The following RGS8 variants were observed in gnomAD, a reference collection of about 807,000 sequenced individuals.
RGS8 encodes regulator of G-protein signaling 8.
RGS8 carries 8 observed loss-of-function variants against 21.7 expected under a neutral mutation model. The ratio of observed to expected loss-of-function variants is 0.37; its 90% CI spans 0.22 to 0.66. RGS8 has a LOEUF of 0.66. Among genes scored for constraint, RGS8 ranks in the 30% least tolerant of loss-of-function variants. RGS8 has a pLI of 0.59. For missense variants in RGS8, 157 were observed against 217.9 expected, an observed-to-expected ratio of 0.72 and a Z score of 1.76; for synonymous variants, 80 against 83.6, an observed-to-expected ratio of 0.96 and a Z score of 0.24.
At chr1:182,742,495 G>C in the RGS8 span, among the ~76,000 whole-genome samples, 2 of 152,242 alleles carry the variant, frequency 1.3e-5, no homozygotes, top group African/African-American at 4.8e-5. Context: ...TCGGCACCTC[G>C]GGAGGCCGAG....
intron 5 of RGS8, among the ~76,000 whole-genome samples, chr1:182,657,888 C>T (rs1663364589): frequency 6.6e-6 from 1 of 152,140 alleles, no homozygotes; most frequent in Non-Finnish European, 1.5e-5. Context: ...ATACCCAATA[C>T]AAAACAATCC....
At chr1:182,671,701 A>G in exon 2 of RGS8, 2 of 1,614,148 alleles carry the variant, frequency 1.2e-6, no homozygotes, top group Non-Finnish European at 1.7e-6. Context: ...TGCCAACTGG[A>G]TGGTCAGAGA....
At chr1:182,667,288 G>A (rs1663919398) in intron 3 of RGS8, among the ~76,000 whole-genome samples, 1 of 151,842 alleles carries the variant, frequency 6.6e-6, no homozygotes, top group Non-Finnish European at 1.5e-5. Context: ...AAAATACAGT[G>A]ACAACAAAAT....
intron 5 of RGS8, 29 bp from the exon 7 acceptor site, chr1:182,648,332 G>C: frequency 1.2e-6 from 2 of 1,606,758 alleles, no homozygotes; most frequent in Non-Finnish European, 8.5e-7. Flanking sequence ...GAAAAGAAGA[G>C]AGATAGGAAG....
the RGS8 span, among the ~76,000 whole-genome samples, chr1:182,737,779 G>A: frequency 6.6e-6 from 1 of 151,964 alleles, no homozygotes; most frequent in East Asian, 1.9e-4. Flanking sequence ...TTATCTTTGG[G>A]GGCGACCATT....
the RGS8 span, among the ~76,000 whole-genome samples, chr1:182,702,069 C>A: frequency 6.6e-6 from 1 of 152,172 alleles, no homozygotes; most frequent in Admixed American, 6.5e-5. Flanking sequence ...ACCCAGCAAT[C>A]CCATTACTGG....
At chr1:182,727,951 G>C in the RGS8 span, among the ~76,000 whole-genome samples, 113 of 152,024 alleles carry the variant, frequency 7.4e-4, 1 homozygote, top group African/African-American at 2.1e-3. Context: ...ACACACAAAG[G>C]GATTTTTTAA....
At chr1:182,707,892 G>C in the RGS8 span, among the ~76,000 whole-genome samples, 2 of 152,020 alleles carry the variant, frequency 1.3e-5, no homozygotes, top group Non-Finnish European at 2.9e-5. Context: ...ATTTTTAGTA[G>C]AGACAGGGTT....
chr1:182,728,646 TC>T, the RGS8 span, among the ~76,000 whole-genome samples: 1 of 152,124 alleles, frequency 6.6e-6, no homozygotes, highest in African/African-American at 2.4e-5. Context: ...TTAATAGTAT[TC>T]TTTAAAGATT....
intron 5 of RGS8, among the ~76,000 whole-genome samples, chr1:182,654,749 T>TA (rs1402669068): frequency 2.0e-5 from 3 of 152,120 alleles, no homozygotes; most frequent in Non-Finnish European, 4.4e-5. Context: ...GGCTTAAACT[T>TA]AGATTCCTGG....
chr1:182,677,378 A>G (rs940721844), upstream of RGS8, among the ~76,000 whole-genome samples: 1 of 152,190 alleles, frequency 6.6e-6, no homozygotes, highest in Admixed American at 6.5e-5. Flanking sequence ...CATTATTCGT[A>G]GTCTTTTCAA....
At chr1:182,730,642 G>A in the RGS8 span, among the ~76,000 whole-genome samples, 2 of 151,854 alleles carry the variant, frequency 1.3e-5, no homozygotes, top group African/African-American at 2.4e-5. Context: ...CCCGGGAGAC[G>A]GGGGTTGCAG....
chr1:182,693,760 G>A, the RGS8 span, among the ~76,000 whole-genome samples: 1 of 152,188 alleles, frequency 6.6e-6, no homozygotes, highest in African/African-American at 2.4e-5. Flanking sequence ...AGAAAATGTG[G>A]TACATGTATA....
chr1:182,739,945 A>G, the RGS8 span, among the ~76,000 whole-genome samples: 1 of 152,168 alleles, frequency 6.6e-6, no homozygotes, highest in African/African-American at 2.4e-5. Context: ...CCTGTCTCAC[A>G]CATTCCATGC....
At chr1:182,643,331 G>GCCCCCCC (rs913799391), downstream of RGS8, 3 of 69,306 alleles carry the variant, frequency 4.3e-5, no homozygotes, top group Admixed American at 1.5e-4. Flanking sequence ...CAGCCCCCCC[G>GCCCCCCC]CCCCCGCGCT....
the RGS8 span, among the ~76,000 whole-genome samples, chr1:182,710,462 G>T: frequency 0.014 from 2,154 of 152,116 alleles, 60 homozygotes; most frequent in African/African-American, 0.049. Context: ...TCCTCCCCCA[G>T]GCTGTGTGTA....
the RGS8 span, among the ~76,000 whole-genome samples, chr1:182,700,793 T>C: frequency 1.3e-5 from 2 of 152,238 alleles, no homozygotes; most frequent in African/African-American, 4.8e-5. Context: ...TCAAAAGGAC[T>C]CTTACAATCA....
the RGS8 span, among the ~76,000 whole-genome samples, chr1:182,701,392 A>G: frequency 6.6e-6 from 1 of 152,266 alleles, no homozygotes; most frequent in Non-Finnish European, 1.5e-5. Flanking sequence ...AGGCCAGGTC[A>G]AAGGCACAGG....
At chr1:182,751,423 T>C in the RGS8 span, among the ~76,000 whole-genome samples, 1 of 152,208 alleles carries the variant, frequency 6.6e-6, no homozygotes, top group South Asian at 2.1e-4. Context: ...CAGGGTCATG[T>C]ACAGTGTTTA....
Sources: gnomAD v4.1 joint callset for allele counts (sites outside exome capture counted in the v4.1 genomes callset) on GRCh38, gnomAD v4.1.1 for gene constraint, MANE v1.5 for transcripts, NCBI Gene and HGNC (gene_info 2026-07-23, HGNC 2026-07-21) for gene names.